Variants in NUP155 observed in about 807,000 individuals in gnomAD.
NUP155 encodes the protein nuclear pore complex protein Nup155.
A neutral mutation model predicts 180.4 loss-of-function variants in NUP155; 71 were observed. The observed-to-expected ratio is 0.39, with a 90% CI of 0.33 to 0.48. The LOEUF (loss-of-function observed/expected upper bound fraction) is 0.48, where lower values mean the gene tolerates loss of function less well. NUP155 is among the 20% of genes least tolerant of loss of function. The pLI, the probability that NUP155 is intolerant of heterozygous loss-of-function variation, is 0.91. For synonymous variants in NUP155, 582 were observed against 559.5 expected, an observed-to-expected ratio of 1.04 and a Z score of -0.57; for missense variants, 1,553 against 1,648.9, an observed-to-expected ratio of 0.94 and a Z score of 1.01.
intron 31 of NUP155, among the ~76,000 whole-genome samples, 194 bp from the exon 32 acceptor site, chr5:37,299,172 TTC>T (rs371338715): frequency 8.5e-5 from 13 of 152,360 alleles, no homozygotes; most frequent in African/African-American, 2.9e-4. Context: ...GGTTATTAGA[TTC>T]TGAGGTGAGT....
chr5:37,294,051 T>C (rs1046500247), intron 33 of NUP155, among the ~76,000 whole-genome samples: 6 of 148,158 alleles, frequency 4.0e-5, no homozygotes, highest in Non-Finnish European at 7.5e-5. Context: ...TGATTCTTAA[T>C]GTAATGAGTT....
chr5:37,355,308 A>G (rs991196615), intron 4 of NUP155, among the ~76,000 whole-genome samples: 3 of 151,938 alleles, frequency 2.0e-5, no homozygotes, highest in Non-Finnish European at 4.4e-5. Flanking sequence ...AGGTGTTAAA[A>G]GACTAGCCTG....
chr5:37,338,919 A>G (rs1745532877), intron 11 of NUP155, among the ~76,000 whole-genome samples: 1 of 152,076 alleles, frequency 6.6e-6, no homozygotes, highest in South Asian at 2.1e-4. Flanking sequence ...TTATAAAAAT[A>G]TACTTAGTAT....
chr5:37,301,224 G>A (rs1742846902), intron 30 of NUP155: 4 of 495,962 alleles, frequency 8.1e-6, no homozygotes, highest in Non-Finnish European at 1.5e-5. Context: ...TAGGTTCTTT[G>A]TAGCTACTGG....
At chr5:37,358,765 AC>A (rs1386154890) in intron 3 of NUP155, among the ~76,000 whole-genome samples, 1 of 152,126 alleles carries the variant, frequency 6.6e-6, no homozygotes, top group Non-Finnish European at 1.5e-5. Flanking sequence ...ACACCTGTAA[AC>A]CCAGCACTTT....
chr5:37,364,150 GAATA>G, intron 2 of NUP155, 93 bp downstream of exon 2: 1 of 1,165,766 alleles, frequency 8.6e-7, no homozygotes, highest in Non-Finnish European at 1.3e-6. Context: ...ACCCTTAAAT[GAATA>G]TATAACACAT....
At chr5:37,292,179 A>G in intron 34 of NUP155, 141 bp from the exon 35 acceptor site, 1 of 830,162 alleles carries the variant, frequency 1.2e-6, no homozygotes, top group South Asian at 1.7e-5. Flanking sequence ...AAATAAAGTA[A>G]AAAAGAAAAC....
At chr5:37,367,032 C>T (rs1747633692) in intron 1 of NUP155, among the ~76,000 whole-genome samples, 1 of 151,178 alleles carries the variant, frequency 6.6e-6, no homozygotes, top group African/African-American at 2.5e-5. Flanking sequence ...CTGCACCCGG[C>T]CGAACTCTTT....
At chr5:37,307,165 T>G in intron 25 of NUP155, 132 bp downstream of exon 25, 2 of 853,010 alleles carry the variant, frequency 2.3e-6, no homozygotes, top group South Asian at 1.6e-5. Context: ...ACGACTGCAC[T>G]CCAGCCCAGG....
In NUP155 at chr5:37,288,559, A is replaced by C. The variant is rs1287309858; in HGVS notation, c.*3341T>G. 1 of 152,070 alleles carries C rather than the reference A, an allele frequency of 6.6e-6. No homozygotes were observed. Among genetic ancestry groups the C allele is most frequent in the African/African-American group, 2.4e-5 (1 of 41,400 alleles). The allele number at this position is 152,070 out of a possible 1,614,324, so 9.4% of individuals were successfully genotyped here. On this transcript the variant is annotated 3_prime_UTR_variant, in exon 35 of 35. Coordinates refer to ENST00000231498, the MANE Select transcript of NUP155 (RefSeq NM_153485.3). ...GCCCACAATTAACGCACTGTTTCAT[A>C]GACTATGTTCTACCAATTATACATT...
At chr5:37,342,517 G>GTA (rs1745794040) in intron 10 of NUP155, 32 bp downstream of exon 10, 3 of 1,303,582 alleles carry the variant, frequency 2.3e-6, no homozygotes, top group Non-Finnish European at 3.3e-6. Flanking sequence ...AGTTGTAACA[G>GTA]TAATAGCAGA....
intron 32 of NUP155, among the ~76,000 whole-genome samples, chr5:37,296,852 T>G (rs1165618552): frequency 5.3e-5 from 8 of 152,190 alleles, no homozygotes; most frequent in Non-Finnish European, 1.5e-5. Context: ...TACTTTTAAC[T>G]GCCTATCTTA....
In NUP155 at chr5:37,351,374, C is replaced by CAT. The variant is rs1205041370; in HGVS notation, c.557-20_557-19dup. 1 of 1,583,498 alleles carries CAT rather than the reference C, an allele frequency of 6.3e-7. No individual in the cohort carries two copies. Among genetic ancestry groups the CAT allele is most frequent in the East Asian group, 2.2e-5 (1 of 44,626 alleles). On this transcript the variant is annotated intron_variant, in intron 5 of 34. Transcript: ENST00000231498. The stretch of plus-strand genomic sequence containing the variant: ...TCCAGAACCTATTTAAGAAAGAATA[C>CAT]ATAAATCAGTTTATTAGCTACTCCA...
At position 37,291,863 on chromosome 5, in the gene NUP155, T is replaced by C; in HGVS notation, c.*37A>G. ...TCTGGACCCAGCTGAGTTTTTATTT[T>C]ACAGATCATAAAACGGATGAAAGTA... On this transcript the variant is annotated 3_prime_UTR_variant, in exon 35 of 35. Coordinates refer to ENST00000231498, the MANE Select transcript of NUP155 (RefSeq NM_153485.3). The C allele has an allele frequency of 6.2e-7, 1 of 1,602,614 alleles. No homozygotes were observed. The highest frequency in any genetic ancestry group is 8.5e-7 in the Non-Finnish European group (1 of 1,169,826).
At chr5:37,336,296 T>C (rs1260389581) in intron 12 of NUP155, among the ~76,000 whole-genome samples, 1 of 152,050 alleles carries the variant, frequency 6.6e-6, no homozygotes, top group African/African-American at 2.4e-5. Flanking sequence ...GTCTGGGCAA[T>C]ATAGTCAGAC....
At chr5:37,338,468 G>A (rs76141394) in intron 11 of NUP155, among the ~76,000 whole-genome samples, 7,203 of 146,740 alleles carry the variant, frequency 0.049, 197 homozygotes, top group South Asian at 0.08. Context: ...GTGCAGTGGC[G>A]CGATCTCGGC....
At chr5:37,300,822 A>ATTT (rs1241491895) in intron 30 of NUP155, among the ~76,000 whole-genome samples, 2 of 138,962 alleles carry the variant, frequency 1.4e-5, no homozygotes, top group Non-Finnish European at 1.6e-5. Context: ...CACCTGGCTA[A>ATTT]TTTTTTTTTT....
chr5:37,351,649 C>T (rs1422599637), intron 5 of NUP155, among the ~76,000 whole-genome samples: 1 of 151,782 alleles, frequency 6.6e-6, no homozygotes, highest in Admixed American at 6.6e-5. Flanking sequence ...CAAGGTTTCA[C>T]CGTGTTAGCC....
In NUP155 at chr5:37,330,033, C is replaced by T. The variant is rs747110170; in HGVS notation, c.1724+5G>A. On this transcript the variant is annotated splice_donor_5th_base_variant and intron_variant, in intron 15 of 34. Coordinates refer to ENST00000231498, the MANE Select transcript of NUP155 (RefSeq NM_153485.3). Reference sequence around the variant, plus strand: ...AATAAATAAACAAGAAAAACTTTCACATACCTAAAGAAAGCCCGAGTAGCC... The same window carrying T: ...AATAAATAAACAAGAAAAACTTTCATATACCTAAAGAAAGCCCGAGTAGCC... The T allele has an allele frequency of 1.1e-5, 18 of 1,603,382 alleles. No individual in the cohort carries two copies. In the African/African-American group the frequency reaches 2.0e-4, roughly 18 times the overall value.
Sources: gnomAD v4.1 joint callset for allele counts (sites outside exome capture counted in the v4.1 genomes callset) on GRCh38, gnomAD v4.1.1 for gene constraint, MANE v1.5 for transcripts, NCBI Gene and HGNC (gene_info 2026-07-23, HGNC 2026-07-21) for gene names.